PRDM16: variants seen among roughly 807,000 people sequenced by gnomAD.
The protein encoded by PRDM16 is PR/SET domain 16.
Under a neutral mutation model 110.6 loss-of-function variants are expected in PRDM16, and 23 were observed. The ratio of observed to expected loss-of-function variants is 0.21; its 90% CI spans 0.15 to 0.29. The LOEUF (loss-of-function observed/expected upper bound fraction) is 0.29, where lower values mean the gene tolerates loss of function less well. Ranked by LOEUF, PRDM16 falls within the 10% of genes least tolerant of loss-of-function variation. The probability of loss-of-function intolerance (pLI) is 1.00; values close to 1 mark genes in which losing one functional copy is unlikely to be tolerated. For synonymous variants in PRDM16, 799 were observed against 781.8 expected (o/e 1.02, Z -0.37); for missense variants, 1,615 against 1,794.3 (o/e 0.90, Z 1.81).
At chr1:3,280,463 G>A (rs1176813086) in intron 3 of PRDM16, among the ~76,000 whole-genome samples, 1 of 152,208 alleles carries the variant, frequency 6.6e-6, no homozygotes, top group Non-Finnish European at 1.5e-5. Flanking sequence ...CTTACTGCCA[G>A]CGTCCAACCT....
rs897905712 is a variant in PRDM16, at chr1:3,437,755, A to G, written c.*3944A>G. On this transcript the variant is annotated 3_prime_UTR_variant, in exon 17 of 17. Coordinates refer to ENST00000270722, the MANE Select transcript of PRDM16 (RefSeq NM_022114.4). ...TCCGTATTACCACTTTTGGAAAAAA[A>G]TAAATAAATAAATAAATAAAAGGCA... 1 of 213,316 alleles carries G rather than the reference A, an allele frequency of 4.7e-6. No homozygotes were observed. Among genetic ancestry groups the G allele is most frequent in the Non-Finnish European group, 9.5e-6 (1 of 105,574 alleles). The allele number at this position is 213,316 out of a possible 1,614,324, so 13.2% of individuals were successfully genotyped here. A position where few individuals can be genotyped will look rare whatever the true frequency, so the allele number is the denominator to read the frequency against.
At chr1:3,075,829 C>T (rs768073091) in intron 1 of PRDM16, among the ~76,000 whole-genome samples, 11 of 152,218 alleles carry the variant, frequency 7.2e-5, no homozygotes, top group Non-Finnish European at 1.6e-4. Context: ...GAACCCCACT[C>T]GTCAGGCGGA....
At chr1:3,419,851 C>T (rs1638380623) in intron 12 of PRDM16, among the ~76,000 whole-genome samples, 1 of 151,974 alleles carries the variant, frequency 6.6e-6, no homozygotes, top group Admixed American at 6.6e-5. Flanking sequence ...TCCCAACTCG[C>T]AGGGTAAATG....
At chr1:3,193,744 C>T (rs749360196) in intron 2 of PRDM16, among the ~76,000 whole-genome samples, 23 of 152,204 alleles carry the variant, frequency 1.5e-4, no homozygotes, top group South Asian at 4.1e-4. Flanking sequence ...TCCCACATGT[C>T]GGTCTGTACT....
intron 3 of PRDM16, among the ~76,000 whole-genome samples, chr1:3,266,916 G>T (rs1640308230): frequency 6.6e-6 from 1 of 152,174 alleles, no homozygotes; most frequent in Non-Finnish European, 1.5e-5. Flanking sequence ...GACCTCAGGT[G>T]ATCCATCCGC....
rs976823079 is a variant in PRDM16 at position 3,290,375 on chromosome 1, T to C, written c.438+46238T>C. On this transcript the variant is annotated intron_variant, in intron 3 of 16. Coordinates refer to ENST00000270722, the MANE Select transcript of PRDM16 (RefSeq NM_022114.4). The surrounding 1 kb of genome is among the most constrained non-coding windows in gnomAD (Gnocchi z 4.8). ...AGAGCCTCTCAGTATCCCCACCTTA[T>C]AGATGAGGAGGCACAGAGAGGGGGA... Among the ~76,000 whole-genome samples the C allele has an allele frequency of 6.6e-6, 1 of 152,120 alleles. No homozygotes were observed. Among genetic ancestry groups the C allele is most frequent in the African/African-American group, 2.4e-5 (1 of 41,450 alleles).
chr1:3,179,296 G>A (rs1272129549), intron 1 of PRDM16, among the ~76,000 whole-genome samples: 1 of 152,234 alleles, frequency 6.6e-6, no homozygotes, highest in Non-Finnish European at 1.5e-5. Flanking sequence ...TGTGCCCCAG[G>A]GCATGGACAG....
At chr1:3,146,697 T>TG (rs1243477269) in intron 1 of PRDM16, among the ~76,000 whole-genome samples, 1 of 112,196 alleles carries the variant, frequency 8.9e-6, no homozygotes, top group Admixed American at 9.7e-5. Context: ...GTGTGTTTGG[T>TG]GTGGGGTGTG....
At chr1:3,318,161 C>T (rs1333350798) in intron 3 of PRDM16, among the ~76,000 whole-genome samples, 1 of 152,082 alleles carries the variant, frequency 6.6e-6, no homozygotes, top group Non-Finnish European at 1.5e-5. Context: ...TTTTGTGTGG[C>T]TTTCCTTAAA....
intron 3 of PRDM16, among the ~76,000 whole-genome samples, chr1:3,366,297 G>A (rs1642814435): frequency 6.6e-6 from 1 of 152,252 alleles, no homozygotes; most frequent in South Asian, 2.1e-4. Flanking sequence ...ACCCAGTGCA[G>A]CAGGACTCCG....
At chr1:3,237,463 T>C (rs1367638067) in intron 2 of PRDM16, among the ~76,000 whole-genome samples, 1 of 151,970 alleles carries the variant, frequency 6.6e-6, no homozygotes, top group Non-Finnish European at 1.5e-5. Context: ...GCAGGGTGGG[T>C]CCTACCCATT....
intron 1 of PRDM16, among the ~76,000 whole-genome samples, chr1:3,129,910 C>A (rs1643298920): frequency 6.6e-6 from 1 of 152,184 alleles, no homozygotes; most frequent in Non-Finnish European, 1.5e-5. Flanking sequence ...TTTGCTTTCC[C>A]TCTTCCCAGG....
At chr1:3,152,599 G>C (rs2100726383) in intron 1 of PRDM16, among the ~76,000 whole-genome samples, 1 of 152,324 alleles carries the variant, frequency 6.6e-6, no homozygotes, top group African/African-American at 2.4e-5. Flanking sequence ...GCCTCCTATG[G>C]CAGGGAGCAT....
chr1:3,293,108 A>G (rs1641013696), intron 3 of PRDM16, among the ~76,000 whole-genome samples: 1 of 152,226 alleles, frequency 6.6e-6, no homozygotes, highest in Admixed American at 6.5e-5. Flanking sequence ...TATTGACCCT[A>G]TATTCCACCC....
intron 1 of PRDM16, among the ~76,000 whole-genome samples, chr1:3,122,609 G>C (rs115754592): frequency 1.3e-5 from 2 of 152,082 alleles, no homozygotes; most frequent in Non-Finnish European, 2.9e-5. Context: ...ATCATTATAC[G>C]AGTGGAAAAA....
At chr1:3,264,969 G>A (rs952764115) in intron 3 of PRDM16, among the ~76,000 whole-genome samples, 9 of 151,976 alleles carry the variant, frequency 5.9e-5, no homozygotes, top group African/African-American at 1.7e-4. Context: ...AAATGGAGGC[G>A]GTGGATATCA....
rs57795441 is a variant in PRDM16 at position 3,148,023 on chromosome 1, T to TTTTGAGA, written c.38-38102_38-38101insTTTGAGA. On this transcript the variant is annotated intron_variant, in intron 1 of 16. Coordinates refer to ENST00000270722, the MANE Select transcript of PRDM16 (RefSeq NM_022114.4). The surrounding 1 kb of genome is among the most constrained non-coding windows in gnomAD (Gnocchi z 5.0). ...GGCAAACCCCATCCTGCTGCTCACC[T>TTTTGAGA]GCAACTTGGGAATACCGAGATGCAT... is the stretch of plus-strand genomic sequence containing the variant. Among the ~76,000 whole-genome samples, 1 of 151,714 alleles carries TTTTGAGA rather than the reference T, an allele frequency of 6.6e-6. No individual in the cohort carries two copies. Among genetic ancestry groups the TTTTGAGA allele is most frequent in the African/African-American group, 2.4e-5 (1 of 41,150 alleles).
intron 4 of PRDM16, 41 bp from the exon 5 acceptor site, chr1:3,396,450 C>G: frequency 2.5e-6 from 3 of 1,185,838 alleles, no homozygotes; most frequent in Non-Finnish European, 3.7e-6. Flanking sequence ...CAGACACCAA[C>G]AAACCACACT....
intron 2 of PRDM16, among the ~76,000 whole-genome samples, chr1:3,241,217 C>G (rs984352929): frequency 2.6e-5 from 4 of 152,262 alleles, no homozygotes; most frequent in Non-Finnish European, 4.4e-5. Context: ...CCCCAGCGCC[C>G]TGCCTGCAGG....
Sources: gnomAD v4.1 joint callset for allele counts (sites outside exome capture counted in the v4.1 genomes callset) on GRCh38, gnomAD v4.1.1 for gene constraint, Gnocchi (gnomAD v3.1) non-coding constraint, MANE v1.5 for transcripts, NCBI Gene and HGNC (gene_info 2026-07-23, HGNC 2026-07-21) for gene names.